TASP1: variants seen among roughly 807,000 people sequenced by gnomAD.
TASP1 encodes the protein taspase 1, also known as threonine aspartase 1.
TASP1 carries 16 observed loss-of-function variants against 56.6 expected under a neutral mutation model. The ratio of observed to expected loss-of-function variants is 0.28; its 90% CI spans 0.19 to 0.43. The LOEUF is 0.43. Among genes scored for constraint, TASP1 ranks in the 20% least tolerant of loss-of-function variants. The pLI is 1.00. For synonymous variants in TASP1, 179 were observed against 184.2 expected, an observed-to-expected ratio of 0.97 and a Z score of 0.23; for missense variants, 393 against 511.6, an observed-to-expected ratio of 0.77 and a Z score of 2.24.
At chr20:13,329,389 C>G in the TASP1 span, among the ~76,000 whole-genome samples, 1 of 152,094 alleles carries the variant, frequency 6.6e-6, no homozygotes, top group Non-Finnish European at 1.5e-5. Flanking sequence ...CAGCCATCTA[C>G]GAATCAAAGA....
the TASP1 span, among the ~76,000 whole-genome samples, chr20:13,139,866 T>A: frequency 1.3e-5 from 2 of 152,208 alleles, no homozygotes; most frequent in Non-Finnish European, 2.9e-5. Flanking sequence ...AAAAATAAAG[T>A]CTAAAGGACT....
intron 4 of TASP1, among the ~76,000 whole-genome samples, chr20:13,596,809 G>C (rs1038362321): frequency 1.3e-5 from 2 of 152,046 alleles, no homozygotes; most frequent in Non-Finnish European, 1.5e-5. Context: ...GAAGAAAAGA[G>C]AGAAGAATCA....
At chr20:13,372,540 CAT>C in the TASP1 span, among the ~76,000 whole-genome samples, 1 of 151,080 alleles carries the variant, frequency 6.6e-6, no homozygotes, top group Non-Finnish European at 1.5e-5. Flanking sequence ...TATGTATACA[CAT>C]ATATGTAATT....
intron 8 of TASP1, among the ~76,000 whole-genome samples, chr20:13,534,915 G>C (rs2146902836): frequency 6.6e-6 from 1 of 152,222 alleles, no homozygotes; most frequent in South Asian, 2.1e-4. Context: ...ATTAAGGGAG[G>C]CAAGAAAAAA....
At chr20:13,321,275 A>AAAAAAAAAAAAAAAAT in the TASP1 span, among the ~76,000 whole-genome samples, 19 of 150,630 alleles carry the variant, frequency 1.3e-4, no homozygotes, top group Admixed American at 4.6e-4. Context: ...AAAAAAAAAA[A>AAAAAAAAAAAAAAAAT]AGATTTTATG....
At chr20:13,349,157 C>T in the TASP1 span, among the ~76,000 whole-genome samples, 1 of 152,148 alleles carries the variant, frequency 6.6e-6, no homozygotes. Flanking sequence ...GAAATGTCAG[C>T]TCCCTTCTTC....
intron 4 of TASP1, among the ~76,000 whole-genome samples, chr20:13,603,982 G>A (rs2048054597): frequency 6.6e-6 from 1 of 152,048 alleles, no homozygotes; most frequent in South Asian, 2.1e-4. Context: ...GATCACTGTG[G>A]TCTGTCTCCA....
intron 10 of TASP1, among the ~76,000 whole-genome samples, chr20:13,506,177 A>T (rs1440524753): frequency 6.6e-6 from 1 of 152,016 alleles, no homozygotes. Context: ...GAAATATATA[A>T]TCTACCAACA....
the TASP1 span, among the ~76,000 whole-genome samples, chr20:13,132,623 A>G: frequency 6.6e-6 from 1 of 152,182 alleles, no homozygotes; most frequent in Admixed American, 6.5e-5. Flanking sequence ...TCTGGCAAGT[A>G]TAGGTTTCCA....
the TASP1 span, among the ~76,000 whole-genome samples, chr20:13,183,870 A>C: frequency 1.3e-5 from 2 of 152,060 alleles, no homozygotes; most frequent in South Asian, 4.2e-4. Flanking sequence ...TCTACTAAAA[A>C]TACAAAAAAT....
the TASP1 span, among the ~76,000 whole-genome samples, chr20:13,374,011 A>C: frequency 6.6e-6 from 1 of 152,094 alleles, no homozygotes; most frequent in Non-Finnish European, 1.5e-5. Flanking sequence ...TCTGCCAGTA[A>C]AAAATCTCCT....
intron 10 of TASP1, among the ~76,000 whole-genome samples, chr20:13,484,748 A>G (rs568325560): frequency 2.2e-4 from 33 of 151,846 alleles, no homozygotes; most frequent in East Asian, 1.5e-3. Context: ...AAAAAAAAAA[A>G]AAAGAAAGAA....
the TASP1 span, among the ~76,000 whole-genome samples, chr20:13,124,332 A>G: frequency 6.6e-6 from 1 of 151,892 alleles, no homozygotes. Flanking sequence ...AGAAGAAAAG[A>G]GGAAAGAAGG....
At chr20:13,179,608 G>A in the TASP1 span, among the ~76,000 whole-genome samples, 2 of 152,134 alleles carry the variant, frequency 1.3e-5, no homozygotes, top group Non-Finnish European at 2.9e-5. Context: ...AGACTGCTTA[G>A]AGGTTTGTGG....
the TASP1 span, among the ~76,000 whole-genome samples, chr20:13,261,675 C>T: frequency 1.3e-5 from 2 of 152,192 alleles, no homozygotes; most frequent in African/African-American, 4.8e-5. Flanking sequence ...CCAAGGTTAA[C>T]GTCCAATGAC....
chr20:13,593,432 C>T (rs544429523), intron 4 of TASP1, among the ~76,000 whole-genome samples: 3 of 152,110 alleles, frequency 2.0e-5, no homozygotes, highest in Non-Finnish European at 2.9e-5. Context: ...CACAAGGGGT[C>T]GGAGGATTTC....
the TASP1 span, among the ~76,000 whole-genome samples, chr20:13,223,363 C>A: frequency 6.6e-6 from 1 of 152,072 alleles, no homozygotes; most frequent in Non-Finnish European, 1.5e-5. Context: ...TACGTGCCAC[C>A]GTTTTAAGTA....
At chr20:13,263,857 T>C in the TASP1 span, among the ~76,000 whole-genome samples, 1 of 152,250 alleles carries the variant, frequency 6.6e-6, no homozygotes, top group Non-Finnish European at 1.5e-5. Context: ...AGAGAGGCTG[T>C]AGTGACATTA....
intron 10 of TASP1, among the ~76,000 whole-genome samples, chr20:13,506,607 G>C (rs2044141263): frequency 1.3e-5 from 2 of 152,090 alleles, no homozygotes; most frequent in South Asian, 4.2e-4. Context: ...TTATAAATGG[G>C]ACACACCACA....
Sources: gnomAD v4.1 joint callset for allele counts (sites outside exome capture counted in the v4.1 genomes callset) on GRCh38, gnomAD v4.1.1 for gene constraint, MANE v1.5 for transcripts, NCBI Gene and HGNC (gene_info 2026-07-23, HGNC 2026-07-21) for gene names.